The following TRIP12 variants were observed in gnomAD, a reference collection of about 807,000 sequenced individuals.
The protein encoded by TRIP12 is thyroid hormone receptor interactor 12, also known as E3 ubiquitin-protein ligase TRIP12.
Under a neutral mutation model 244.2 loss-of-function variants are expected in TRIP12, and 25 were observed. The observed-to-expected ratio is 0.10, with a 90% CI of 0.07 to 0.14. The LOEUF (loss-of-function observed/expected upper bound fraction) is 0.14. Ranked by LOEUF, TRIP12 falls within the 10% of genes least tolerant of loss-of-function variation. The probability of loss-of-function intolerance (pLI) is 1.00; values close to 1 mark genes in which losing one functional copy is unlikely to be tolerated. For missense variants in TRIP12, 1,677 were observed against 2,486.4 expected, an observed-to-expected ratio of 0.67 and a Z score of 6.92; for synonymous variants, 905 against 873.1, an observed-to-expected ratio of 1.04 and a Z score of -0.64.
intron 26 of TRIP12, among the ~76,000 whole-genome samples, chr2:229,794,429 T>C (rs1044656203): frequency 7.9e-5 from 12 of 152,038 alleles, no homozygotes; most frequent in African/African-American, 2.4e-4. Flanking sequence ...TAATGGAACA[T>C]GGTGGCACAT....
chr2:229,767,299 C>T lies in TRIP12; in HGVS notation c.*255G>A. The T allele has an allele frequency of 2.8e-6, 1 of 361,284 alleles. No homozygotes were observed. Among genetic ancestry groups the T allele is most frequent in the Non-Finnish European group, 4.9e-6 (1 of 204,078 alleles). The allele number at this position is 361,284 out of a possible 1,614,324, so 22.4% of individuals were successfully genotyped here. ...ACAGCAAAGCATGTTAAAAACTTCA[C>T]TCATCAAATAAATGATAATTTAAAC... On this transcript the variant is annotated 3_prime_UTR_variant, in exon 42 of 42. Transcript: ENST00000675903.
intron 1 of TRIP12, among the ~76,000 whole-genome samples, chr2:229,898,988 T>C (rs1257908349): frequency 1.3e-5 from 2 of 152,250 alleles, no homozygotes; most frequent in East Asian, 3.8e-4. Context: ...GTGCTCAGTA[T>C]TGCTGAATAC....
At chr2:229,837,547 T>C (rs371968213) in intron 5 of TRIP12, among the ~76,000 whole-genome samples, 5 of 151,928 alleles carry the variant, frequency 3.3e-5, no homozygotes, top group African/African-American at 4.8e-5. Context: ...AGACAAAAAA[T>C]TGCTCGAACC....
intron 16 of TRIP12, 129 bp from the exon 17 acceptor site, chr2:229,807,993 T>C (rs899679804): frequency 2.0e-6 from 2 of 1,005,940 alleles, no homozygotes; most frequent in African/African-American, 3.3e-5. Context: ...GGAGACAGAG[T>C]CTCACTCTGT....
At chr2:229,877,574 G>A (rs2063845115) in intron 2 of TRIP12, among the ~76,000 whole-genome samples, 1 of 152,090 alleles carries the variant, frequency 6.6e-6, no homozygotes, top group Non-Finnish European at 1.5e-5. Flanking sequence ...ACATAACACT[G>A]ATATATAGAA....
At chr2:229,790,857 C>T (rs376899731) in intron 30 of TRIP12, among the ~76,000 whole-genome samples, 12 of 152,088 alleles carry the variant, frequency 7.9e-5, no homozygotes, top group African/African-American at 2.9e-4. Context: ...TTTGTTTCAA[C>T]CTTCATAAAA....
At chr2:229,910,493 CTG>C (rs915489220) in intron 1 of TRIP12, among the ~76,000 whole-genome samples, 1 of 152,106 alleles carries the variant, frequency 6.6e-6, no homozygotes, top group African/African-American at 2.4e-5. Flanking sequence ...AAGAAATAAA[CTG>C]AGTATCAATT....
At chr2:229,767,801 A>G in intron 41 of TRIP12, 51 bp from the exon 42 acceptor site, 1 of 1,548,408 alleles carries the variant, frequency 6.5e-7, no homozygotes, top group Non-Finnish European at 8.7e-7. Flanking sequence ...AAAAAACATC[A>G]GCTATCAGAA....
chr2:229,858,394 T>C (rs758997100), intron 4 of TRIP12, among the ~76,000 whole-genome samples: 10 of 152,216 alleles, frequency 6.6e-5, no homozygotes, highest in Non-Finnish European at 1.2e-4. Flanking sequence ...TCTCTGATCA[T>C]GGCAACTCAT....
intron 15 of TRIP12, 24 bp downstream of exon 15, chr2:229,810,856 G>A (rs767163494): frequency 6.2e-7 from 1 of 1,611,302 alleles, no homozygotes; most frequent in Non-Finnish European, 8.5e-7. Flanking sequence ...CCTGCTTAAA[G>A]TAGAACAGTA....
At chr2:229,919,547 T>A (rs2076111954) in intron 1 of TRIP12, among the ~76,000 whole-genome samples, 1 of 152,104 alleles carries the variant, frequency 6.6e-6, no homozygotes. Context: ...TAAATGTAAC[T>A]ACTTTAGTTT....
intron 34 of TRIP12, among the ~76,000 whole-genome samples, chr2:229,782,330 T>G (rs2038491387): frequency 6.6e-6 from 1 of 152,124 alleles, no homozygotes; most frequent in Non-Finnish European, 1.5e-5. Context: ...AGTACTAACT[T>G]CTGCCACTCA....
chr2:229,889,585 G>T (rs558618085), intron 1 of TRIP12, among the ~76,000 whole-genome samples: 3 of 152,264 alleles, frequency 2.0e-5, no homozygotes, highest in Admixed American at 6.5e-5. Context: ...GGGGATAGGA[G>T]GTCAGCTTAT....
rs775690671 is a variant in TRIP12, at chr2:229,803,590, A to G, written c.2979T>C (p.Ser993=). The change falls in exon 20 of 42, where the codon AGT becomes AGC. Residue 993 remains serine (S), a synonymous_variant. Transcript: ENST00000675903. ...ILMQKLPDIF[S]VYFRREGVMH... ...CATTACCTTCTCTTCTGAAGTAAAC[A>G]CTAAAAATATCAGGTAACTTCTGCA... 3.1e-6 allele frequency: 5 copies of G among 1,608,658 alleles called. No individual in the cohort carries two copies. The South Asian group carries it at 5.5e-5, about 18-fold the overall frequency.
intron 1 of TRIP12, among the ~76,000 whole-genome samples, chr2:229,906,444 G>C (rs763167498): frequency 6.6e-6 from 1 of 150,834 alleles, no homozygotes; most frequent in Non-Finnish European, 1.5e-5. Context: ...AAATTAGGCC[G>C]GGCTCAGTGG....
chr2:229,801,350 G>C (rs2044283755), intron 21 of TRIP12, among the ~76,000 whole-genome samples: 1 of 152,188 alleles, frequency 6.6e-6, no homozygotes, highest in South Asian at 2.1e-4. Flanking sequence ...ACTGCCACCA[G>C]GTGGCACCAA....
At position 229,802,498 on chromosome 2, in the gene TRIP12, CAGG is replaced by C. The variant is rs748090963; in HGVS notation, c.2999-42_2999-40del. The C allele has an allele frequency of 3.9e-6, 6 of 1,531,150 alleles. 1 individual carries two copies. In the South Asian group the frequency reaches 4.6e-5, roughly 12 times the overall value. The allele number at this position is 1,531,150 out of a possible 1,614,324, so 94.8% of individuals were successfully genotyped here. On this transcript the variant is annotated intron_variant, in intron 20 of 41. Coordinates refer to ENST00000675903, the MANE Select transcript of TRIP12 (RefSeq NM_001348323.3). ...GAGATGAAAGGGAGTCAGTTTTAATCAGGAGTAGAACCTTCTCCCCACCATTAC... is the reference window on the plus strand; with the variant it reads ...GAGATGAAAGGGAGTCAGTTTTAATCAGTAGAACCTTCTCCCCACCATTAC...
intron 1 of TRIP12, among the ~76,000 whole-genome samples, chr2:229,920,912 A>C (rs17258921): frequency 0.12 from 18,099 of 152,200 alleles, 1,313 homozygotes; most frequent in Admixed American, 0.18. Context: ...GAGGGGCTGA[A>C]CTGATGGACA....
chr2:229,772,780 A>ATT (rs1160329854), intron 38 of TRIP12, among the ~76,000 whole-genome samples: 1 of 149,780 alleles, frequency 6.7e-6, no homozygotes, highest in Non-Finnish European at 1.5e-5. Context: ...TTTAACCTAT[A>ATT]TTCTCTCTCT....
Sources: allele counts gnomAD v4.1 joint callset (sites outside exome capture counted in the v4.1 genomes callset), GRCh38; gene constraint gnomAD v4.1.1; transcripts MANE v1.5; gene names NCBI Gene and HGNC (gene_info 2026-07-23, HGNC 2026-07-21).